Variants in IDH1 observed in about 807,000 individuals in gnomAD.
The protein encoded by IDH1 is isocitrate dehydrogenase [NADP] cytoplasmic.
Under a neutral mutation model 46.1 loss-of-function variants are expected in IDH1, and 33 were observed. That is an observed-to-expected ratio of 0.72 (90% CI 0.54 to 0.96). IDH1 has a LOEUF of 0.96. IDH1 is among the 40% of genes least tolerant of loss of function. The pLI is 0.00. For synonymous variants in IDH1, 144 were observed against 172.8 expected, an observed-to-expected ratio of 0.83 and a Z score of 1.31; for missense variants, 421 against 515.7, an observed-to-expected ratio of 0.82 and a Z score of 1.78.
chr2:208,243,393 A>C, intron 6 of IDH1, 34 bp downstream of exon 6: 1 of 1,500,518 alleles, frequency 6.7e-7, no homozygotes, highest in Non-Finnish European at 9.3e-7. Flanking sequence ...CTTACTTGAG[A>C]ATAAAGAAAA....
Position 208,245,378 on chromosome 2 carries a change from A to T in IDH1, c.461T>A (p.Ile154Lys), listed in dbSNP as rs1324286770. 1 of 1,612,920 alleles carries T rather than the reference A, an allele frequency of 6.2e-7. No homozygotes were observed. Among genetic ancestry groups the T allele is most frequent in the East Asian group, 2.2e-5 (1 of 44,838 alleles). The change falls in exon 5 of 10, where the codon ATA becomes AAA. Residue 154 changes from isoleucine to lysine, a missense_variant. By Grantham distance (102) the Ile-to-Lys change is moderately radical. Transcript: ENST00000345146. The part of the protein sequence containing the change: ...FVVPGPGKVE[I>K]TYTPSDGTQK... ...GGTTCCGTCACTTGGTGTGTAGGTTATCTCTACTTTTCCAGGCCCAGGAAC... is the reference window on the plus strand; with the variant it reads ...GGTTCCGTCACTTGGTGTGTAGGTTTTCTCTACTTTTCCAGGCCCAGGAAC...
At chr2:208,253,306 A>G (rs1358015205) in intron 2 of IDH1, among the ~76,000 whole-genome samples, 1 of 152,234 alleles carries the variant, frequency 6.6e-6, no homozygotes, top group African/African-American at 2.4e-5. Flanking sequence ...TTACTTAGCC[A>G]TGAAATTTTT....
intron 2 of IDH1, among the ~76,000 whole-genome samples, 199 bp downstream of exon 2, chr2:208,253,687 A>G (rs1454850038): frequency 2.0e-5 from 3 of 152,376 alleles, no homozygotes; most frequent in African/African-American, 7.2e-5. Flanking sequence ...CATGAACTAC[A>G]ATAATTTCTG....
intron 2 of IDH1, 67 bp from the exon 3 acceptor site, chr2:208,251,634 G>A (rs578186708): frequency 4.3e-5 from 57 of 1,315,080 alleles, no homozygotes; most frequent in Admixed American, 3.9e-4. Context: ...TATAAACAAC[G>A]TAGTGTTTAT....
intron 4 of IDH1, chr2:208,248,096 A>T (rs1412016813): frequency 4.1e-6 from 2 of 490,462 alleles, no homozygotes; most frequent in African/African-American, 3.9e-5. Context: ...TGGCAATATC[A>T]TATGGTATAA....
intron 7 of IDH1, among the ~76,000 whole-genome samples, chr2:208,241,503 A>G (rs1687919099): frequency 6.6e-6 from 1 of 150,774 alleles, no homozygotes; most frequent in South Asian, 2.1e-4. Flanking sequence ...AAGTGCTAGG[A>G]TTACAGGCGT....
chr2:208,248,378 A>G lies in IDH1; in HGVS notation c.405T>C (p.Tyr135=), dbSNP rs752078425. Residue 135 remains tyrosine (Y), a synonymous_variant, in exon 4 of 10, where the codon TAT becomes TAC. Coordinates refer to ENST00000345146, the MANE Select transcript of IDH1 (RefSeq NM_005896.4). ...TGCCAACATGACTTACTTGATCCCC[A>G]TAAGCATGACGACCTATGATGATAG... ...VKPIIIGRHA[Y]GDQYRATDFV... 3.7e-6 allele frequency: 6 copies of G among 1,613,544 alleles called. No individual in the cohort carries two copies. In the South Asian group the frequency reaches 6.6e-5, roughly 18 times the overall value.
At position 208,250,972 on chromosome 2, in the gene IDH1, T is replaced by G. The variant is rs576795270; in HGVS notation, c.122+458A>C. Among the ~76,000 whole-genome samples the G allele has an allele frequency of 4.7e-4, 72 of 152,366 alleles. 3 individuals carry two copies. The East Asian group carries it at 0.014, about 29-fold the overall frequency. ...TCCCTTTTCTCAATACATTGTACTA[T>G]TCTTAGCCACTGTTTTATTACAAAT... On this transcript the variant is annotated intron_variant, in intron 3 of 9. Coordinates refer to ENST00000345146, the MANE Select transcript of IDH1 (RefSeq NM_005896.4).
At position 208,239,078 on chromosome 2, in the gene IDH1, A is replaced by G; in HGVS notation, c.1147T>C (p.Leu383=). ...TKDLAACIKG[L]PNVQRSDYLN... is the part of the protein sequence containing the mutation. Reference sequence around the variant, plus strand: ...AGGGCATCTTATACTTACTTGGGTAAACCTTTAATGCAAGCAGCCAAGTCC... The same window carrying G: ...AGGGCATCTTATACTTACTTGGGTAGACCTTTAATGCAAGCAGCCAAGTCC... The change falls in exon 9 of 10, where the codon TTA becomes CTA. Residue 383 remains leucine (L), a synonymous_variant. Coordinates refer to ENST00000345146, the MANE Select transcript of IDH1 (RefSeq NM_005896.4). The G allele has an allele frequency of 6.2e-7, 1 of 1,613,894 alleles. No individual in the cohort carries two copies. The highest frequency in any genetic ancestry group is 8.5e-7 in the Non-Finnish European group (1 of 1,179,804).
Position 208,242,043 on chromosome 2 carries a change from C to A in IDH1, c.801G>T (p.Trp267Cys). 1.2e-6 allele frequency: 2 copies of A among 1,612,966 alleles called. No homozygotes were observed. The highest frequency in any genetic ancestry group is 1.7e-6 in the Non-Finnish European group (2 of 1,179,830). Residue 267 changes from tryptophan (W) to cysteine (C), a missense_variant, in exon 7 of 10, where the codon TGG becomes TGT. Trp to Cys is a radical substitution (Grantham distance 215). Coordinates refer to ENST00000345146, the MANE Select transcript of IDH1 (RefSeq NM_005896.4). ...CGTCACCATCATAGTTTTTACAGGC[C>A]CAGATGAAGCCTCCCTCTGATTTCA... The part of the protein sequence containing the change: ...QAMKSEGGFI[W>C]ACKNYDGDVQ...
intron 4 of IDH1, among the ~76,000 whole-genome samples, chr2:208,246,357 T>C (rs1282922537): frequency 6.6e-6 from 1 of 152,186 alleles, no homozygotes; most frequent in East Asian, 1.9e-4. Flanking sequence ...AGAGAAATAC[T>C]AATAACAACT....
At chr2:208,244,256 G>T (rs1470740772) in intron 5 of IDH1, among the ~76,000 whole-genome samples, 1 of 152,204 alleles carries the variant, frequency 6.6e-6, no homozygotes, top group African/African-American at 2.4e-5. Flanking sequence ...AGGAACAGGT[G>T]TTGGAGCCAG....
chr2:208,248,658 T>C lies in IDH1; in HGVS notation c.125A>G (p.Tyr42Cys), dbSNP rs747226100. The change falls in exon 4 of 10, where the codon TAT becomes TGT. Residue 42 changes from tyrosine to cysteine, a missense_variant and splice_region_variant. By Grantham distance (194) the Tyr-to-Cys change is radical (BLOSUM62 -2). Transcript: ENST00000345146. Reference protein sequence around the residue: ...FPYVELDLHSYDLGIENRDAT... With the variant: ...FPYVELDLHSCDLGIENRDAT... ...ATCACGATTCTCTATGCCTAAATCA[T>C]AGCTTGAAAGAGAAAAATTAGAAGC... 2.5e-6 allele frequency: 4 copies of C among 1,613,850 alleles called. No homozygotes were observed. The highest frequency in any genetic ancestry group is 3.4e-6 in the Non-Finnish European group (4 of 1,179,942).
intron 8 of IDH1, among the ~76,000 whole-genome samples, chr2:208,239,661 C>T (rs957433378): frequency 1.3e-5 from 2 of 152,236 alleles, no homozygotes; most frequent in Non-Finnish European, 2.9e-5. Context: ...TAACATTCCT[C>T]TCTGTAACCT....
At position 208,248,629 on chromosome 2, in the gene IDH1, T is replaced by A. The variant is rs1688067572; in HGVS notation, c.154A>T (p.Thr52Ser). 1.2e-6 allele frequency: 2 copies of A among 1,614,116 alleles called. No individual in the cohort carries two copies. The highest frequency in any genetic ancestry group is 3.3e-5 in the Admixed American group (2 of 60,008). Residue 52 changes from threonine to serine, a missense_variant, in exon 4 of 10, where the codon ACC becomes TCC. Coordinates refer to ENST00000345146, the MANE Select transcript of IDH1 (RefSeq NM_005896.4). ...GCATCCTTGGTGACTTGGTCGTTGG[T>A]GGCATCACGATTCTCTATGCCTAAA... ...YDLGIENRDA[T>S]NDQVTKDAAE...
intron 9 of IDH1, among the ~76,000 whole-genome samples, chr2:208,237,664 T>C (rs1361087865): frequency 1.3e-5 from 2 of 151,100 alleles, no homozygotes; most frequent in Non-Finnish European, 2.9e-5. Flanking sequence ...CTCACGCCTA[T>C]AATCCCAGCA....
rs912400006 is a variant in IDH1 at position 208,245,361 on chromosome 2, C to A, written c.478G>T (p.Asp160Tyr). The change falls in exon 5 of 10, where the codon GAC becomes TAC. Residue 160 changes from aspartate (D) to tyrosine (Y), a missense_variant. Physicochemically the swap from Asp to Tyr is radical, Grantham distance 160 (BLOSUM62 -3). Transcript: ENST00000345146. ...GKVEITYTPS[D>Y]GTQKVTYLVH... is the part of the protein sequence containing the mutation. ...AGGTATGTCACCTTTTGGGTTCCGT[C>A]ACTTGGTGTGTAGGTTATCTCTACT... 1.4e-5 allele frequency: 22 copies of A among 1,612,042 alleles called. No individual in the cohort carries two copies. Among genetic ancestry groups the A allele is most frequent in the African/African-American group, 2.7e-5 (2 of 74,780 alleles).
At chr2:208,248,728 G>T in intron 3 of IDH1, 68 bp from the exon 4 acceptor site, 1 of 1,404,536 alleles carries the variant, frequency 7.1e-7, no homozygotes. Flanking sequence ...CAACTGCAGT[G>T]ATGGCATATA....
At chr2:208,243,044 A>G (rs1205589234) in intron 6 of IDH1, among the ~76,000 whole-genome samples, 1 of 152,204 alleles carries the variant, frequency 6.6e-6, no homozygotes, top group Non-Finnish European at 1.5e-5. Context: ...GATTACAGGC[A>G]TGAGCCACCG....
Sources: allele counts gnomAD v4.1 joint callset (sites outside exome capture counted in the v4.1 genomes callset), GRCh38; gene constraint gnomAD v4.1.1; transcripts MANE v1.5; gene names NCBI Gene and HGNC (gene_info 2026-07-23, HGNC 2026-07-21).